Variants in CHD4 observed in about 807,000 individuals in gnomAD.
The protein encoded by CHD4 is ATP-dependent chromatin remodeler CHD4.
Under a neutral mutation model 235.5 loss-of-function variants are expected in CHD4, and 35 were observed. The ratio of observed to expected loss-of-function variants is 0.15; its 90% CI spans 0.11 to 0.20. CHD4 has a LOEUF of 0.20. CHD4 is among the 10% of genes least tolerant of loss of function. The pLI, the probability that CHD4 is intolerant of heterozygous loss-of-function variation, is 1.00. For synonymous variants in CHD4, 900 were observed against 850.2 expected, an observed-to-expected ratio of 1.06 and a Z score of -1.02; for missense variants, 1,329 against 2,432.3, an observed-to-expected ratio of 0.55 and a Z score of 9.54.
chr12:6,577,480 G>A (rs1312303073), intron 37 of CHD4, among the ~76,000 whole-genome samples: 1 of 149,796 alleles, frequency 6.7e-6, no homozygotes, highest in Non-Finnish European at 1.5e-5. Flanking sequence ...CATCTTCAGA[G>A]ATGCAATTCA....
chr12:6,580,524 T>TAA (rs1308660336), intron 33 of CHD4: 6 of 152,448 alleles, frequency 3.9e-5, no homozygotes, highest in African/African-American at 1.5e-4. Context: ...CTGACCAATA[T>TAA]GGAGAAACCC....
chr12:6,600,859 T>TGATAGA (rs1948577641), intron 7 of CHD4, 67 bp downstream of exon 7: 2 of 1,527,544 alleles, frequency 1.3e-6, no homozygotes, highest in East Asian at 4.5e-5. Context: ...GGACAGGTTC[T>TGATAGA]GATAGAAGGT....
In CHD4 at chr12:6,598,213, T is replaced by C. The variant is rs201167959; in HGVS notation, c.1686+9A>G. ...TAGCCCCTACATCTCCAGACTATCC[T>C]AAACTTACCTGCAGTTCAGAAACCC... On this transcript the variant is annotated intron_variant, in intron 11 of 39. Transcript: ENST00000544040. 150 of 1,611,568 alleles carry C rather than the reference T, an allele frequency of 9.3e-5. No homozygotes were observed. In the African/African-American group the frequency reaches 1.9e-3, roughly 20 times the overall value.
In CHD4 at chr12:6,581,078, C is replaced by T; in HGVS notation, c.4875G>A (p.Glu1625=). 1 of 1,614,170 alleles carries T rather than the reference C, an allele frequency of 6.2e-7. No homozygotes were observed. Among genetic ancestry groups the T allele is most frequent in the Non-Finnish European group, 8.5e-7 (1 of 1,180,024 alleles). ...CTGTCTCCATAGGTTCCTCTGTTCT[C>T]TCCTTCACCTCTGCCTTTTCCACTT... ...EEKVEKAEVK[E]RTEEPMETEP... Residue 1625 remains glutamate (E), a synonymous_variant, in exon 33 of 40, where the codon GAG becomes GAA. Coordinates refer to ENST00000544040, the MANE Select transcript of CHD4 (RefSeq NM_001273.5).
chr12:6,585,733 G>T (rs1948277423), intron 25 of CHD4, among the ~76,000 whole-genome samples: 1 of 150,708 alleles, frequency 6.6e-6, no homozygotes, highest in African/African-American at 2.4e-5. Flanking sequence ...AGGTTGCAGT[G>T]AGCCGAGATC....
intron 22 of CHD4, 120 bp from the exon 23 acceptor site, chr12:6,588,542 C>G (rs1948340174): frequency 9.2e-7 from 1 of 1,086,048 alleles, no homozygotes; most frequent in Non-Finnish European, 1.3e-6. Flanking sequence ...CTTTGGGAGG[C>G]AGAGACAGGT....
chr12:6,578,539 C>G lies in CHD4; in HGVS notation c.4989G>C (p.Lys1663Asn), dbSNP rs1948112892. ...CCTCTTTTTTCTCTTCTTCTTCTTTCTTCTCTTCTACAGAATATGGGGAAG... is the reference window on the plus strand; with the variant it reads ...CCTCTTTTTTCTCTTCTTCTTCTTTGTTCTCTTCTACAGAATATGGGGAAG... ...TPIVVEDKEE[K>N]KEEEEKKEVM... The change falls in exon 35 of 40, where the codon AAG becomes AAC. Residue 1663 changes from lysine to asparagine, a missense_variant. By Grantham distance (94) the Lys-to-Asn change is moderately conservative. Coordinates refer to ENST00000544040, the MANE Select transcript of CHD4 (RefSeq NM_001273.5). 6 of 1,611,154 alleles carry G rather than the reference C, an allele frequency of 3.7e-6. No individual in the cohort carries two copies. The highest frequency in any genetic ancestry group is 2.5e-6 in the Non-Finnish European group (3 of 1,179,770).
chr12:6,580,193 C>T (rs946481154), intron 33 of CHD4: 3 of 152,082 alleles, frequency 2.0e-5, no homozygotes, highest in African/African-American at 4.8e-5. Context: ...TGCCACTGCA[C>T]TCCTGCCTGG....
chr12:6,596,596 T>A (rs2136219034), intron 12 of CHD4, among the ~76,000 whole-genome samples: 1 of 149,878 alleles, frequency 6.7e-6, no homozygotes, highest in Non-Finnish European at 1.5e-5. Flanking sequence ...GGTCGGGAGT[T>A]CAAGACCAGT....
intron 22 of CHD4, among the ~76,000 whole-genome samples, chr12:6,589,035 G>A (rs1268289993): frequency 6.6e-6 from 1 of 151,820 alleles, no homozygotes; most frequent in Non-Finnish European, 1.5e-5. Flanking sequence ...ATCACCTGTG[G>A]TCAGGAGTTC....
chr12:6,579,750 CAAAA>C (rs61518872), intron 33 of CHD4, among the ~76,000 whole-genome samples: 4 of 73,532 alleles, frequency 5.4e-5, no homozygotes, highest in Non-Finnish European at 2.7e-5. Flanking sequence ...GACTCCGTCT[CAAAA>C]AAAAAAAAAA....
Position 6,570,395 on chromosome 12 carries a change from G to A in CHD4, c.*281C>T, listed in dbSNP as rs1224042570. On this transcript the variant is annotated 3_prime_UTR_variant, in exon 40 of 40. Transcript: ENST00000544040. ...CTGGCAGGAACCCACAACAGTTTGT[G>A]TGTAACAGGCGTTACAGTGGGGAGA... The A allele has an allele frequency of 1.2e-5, 6 of 489,698 alleles. No homozygotes were observed. In the East Asian group the frequency reaches 1.3e-4, roughly 11 times the overall value. 30.3% of individuals were successfully genotyped at this position (489,698 alleles called of 1,614,324 possible). A position where few individuals can be genotyped will look rare whatever the true frequency, so the allele number is the denominator to read the frequency against.
chr12:6,571,273 T>C (rs1253223438), intron 38 of CHD4: 1 of 460,400 alleles, frequency 2.2e-6, no homozygotes, highest in African/African-American at 2.0e-5. Flanking sequence ...TATTATTGTA[T>C]TTCCTCTTCT....
chr12:6,599,799 C>T lies in CHD4; in HGVS notation c.1456G>A (p.Gly486Ser). 6.2e-7 allele frequency: 1 copy of T among 1,614,170 alleles called. No individual in the cohort carries two copies. The highest frequency in any genetic ancestry group is 8.5e-7 in the Non-Finnish European group (1 of 1,180,034). ...GTACAACGGGGACAGAGCCATTCAC[C>T]GTTGGGGATCTCTGGAAGTGGGGGA... ...LNPPLPEIPN[G>S]EWLCPRCTCP... The change falls in exon 10 of 40, where the codon GGT becomes AGT. Residue 486 changes from glycine to serine, a missense_variant. Gly to Ser is a moderately conservative substitution (Grantham distance 56). Coordinates refer to ENST00000544040, the MANE Select transcript of CHD4 (RefSeq NM_001273.5).
Position 6,591,697 on chromosome 12 carries a change from G to A in CHD4, c.3219C>T (p.Ser1073=), listed in dbSNP as rs1055782267. 2.5e-6 allele frequency: 4 copies of A among 1,614,046 alleles called. No individual in the cohort carries two copies. In the African/African-American group the frequency reaches 4.0e-5, roughly 16 times the overall value. ...AAGCTCCCAGTCCACATGATACCTGGGAAAAGATGAGTACACGATGCCCAC... is the reference window on the plus strand; with the variant it reads ...AAGCTCCCAGTCCACATGATACCTGAGAAAAGATGAGTACACGATGCCCAC... ...KEGGHRVLIF[S]QMTKMLDLLE... Residue 1073 remains serine, a synonymous_variant, in exon 21 of 40, where the codon TCC becomes TCT. Transcript: ENST00000544040.
intron 2 of CHD4, among the ~76,000 whole-genome samples, chr12:6,603,401 G>C (rs911477458): frequency 3.3e-5 from 5 of 152,124 alleles, no homozygotes; most frequent in Non-Finnish European, 7.4e-5. Flanking sequence ...CCGCCCAAAG[G>C]GGGGTGGGTA....
At chr12:6,591,435 T>C (rs998117530) in intron 22 of CHD4, 31 bp downstream of exon 22, 1 of 1,544,514 alleles carries the variant, frequency 6.5e-7, no homozygotes, top group Non-Finnish European at 8.9e-7. Context: ...AAATGAGGAT[T>C]CCTGAAACTA....
chr12:6,601,677 G>T lies in CHD4; in HGVS notation c.528C>A (p.Thr176=), dbSNP rs1948593514. The part of the protein sequence containing the change: ...VFSEEDYRTL[T]NYKAFSQFVR... ...CAAACTGGCTGAAGGCCTTGTAGTT[G>T]GTGAGGGTTCGATAATCCTCCTCTG... Residue 176 remains threonine, a synonymous_variant, in exon 5 of 40, where the codon ACC becomes ACA. Transcript: ENST00000544040. The T allele has an allele frequency of 6.2e-7, 1 of 1,614,154 alleles. No individual in the cohort carries two copies. The highest frequency in any genetic ancestry group is 2.2e-5 in the East Asian group (1 of 44,878).
At chr12:6,587,363 T>G (rs966675196) in intron 25 of CHD4, 21 bp downstream of exon 25, 1 of 1,607,284 alleles carries the variant, frequency 6.2e-7, no homozygotes, top group African/African-American at 1.3e-5. Flanking sequence ...AAGCACAGGA[T>G]TGCCTTGGAT....
Sources: allele counts gnomAD v4.1 joint callset (sites outside exome capture counted in the v4.1 genomes callset), GRCh38; gene constraint gnomAD v4.1.1; transcripts MANE v1.5; gene names NCBI Gene and HGNC (gene_info 2026-07-23, HGNC 2026-07-21).